COLGALT2: variants seen among roughly 807,000 people sequenced by gnomAD.
The protein encoded by COLGALT2 is procollagen galactosyltransferase 2.
In COLGALT2, 49 loss-of-function variants were observed where a neutral mutation model predicts 73.4. That is an observed-to-expected ratio of 0.67 (90% CI 0.53 to 0.85). The LOEUF (loss-of-function observed/expected upper bound fraction) is 0.85, where lower values mean the gene tolerates loss of function less well. Among genes scored for constraint, COLGALT2 ranks in the 40% least tolerant of loss-of-function variants. The pLI, the probability that COLGALT2 is intolerant of heterozygous loss-of-function variation, is 0.00. For synonymous variants in COLGALT2, 295 were observed against 307.6 expected, an observed-to-expected ratio of 0.96 and a Z score of 0.43; for missense variants, 722 against 790.2, an observed-to-expected ratio of 0.91 and a Z score of 1.03.
intron 1 of COLGALT2, among the ~76,000 whole-genome samples, chr1:184,003,211 T>C (rs1671977129): frequency 1.3e-5 from 2 of 152,202 alleles, no homozygotes; most frequent in Non-Finnish European, 2.9e-5. Context: ...TATCAAAAGA[T>C]AGGGATTAGG....
chr1:184,017,648 T>C (rs911384482), intron 1 of COLGALT2, among the ~76,000 whole-genome samples: 2 of 152,228 alleles, frequency 1.3e-5, no homozygotes, highest in African/African-American at 4.8e-5. Context: ...GTTGGCTAAG[T>C]GGTCTTAGCC....
At chr1:183,976,414 A>G (rs1671191822) in intron 2 of COLGALT2, among the ~76,000 whole-genome samples, 1 of 150,160 alleles carries the variant, frequency 6.7e-6, no homozygotes, top group South Asian at 2.1e-4. Flanking sequence ...TTACATATAG[A>G]AAGACTAGAA....
chr1:183,958,758 CTT>C (rs1184612193), intron 6 of COLGALT2, among the ~76,000 whole-genome samples: 2 of 149,868 alleles, frequency 1.3e-5, no homozygotes, highest in African/African-American at 4.9e-5. Context: ...CAAAAACCCT[CTT>C]GTTTTCACCT....
At chr1:184,030,842 G>GC (rs1282525137) in intron 1 of COLGALT2, among the ~76,000 whole-genome samples, 1 of 152,156 alleles carries the variant, frequency 6.6e-6, no homozygotes, top group Non-Finnish European at 1.5e-5. Context: ...CATTAAAACA[G>GC]CTACACAGGA....
chr1:183,967,863 A>G (rs1670923101), intron 5 of COLGALT2, among the ~76,000 whole-genome samples: 1 of 152,200 alleles, frequency 6.6e-6, no homozygotes, highest in African/African-American at 2.4e-5. Context: ...AAATCTTCCA[A>G]TCATATGAGG....
At chr1:184,017,285 G>C (rs537299694) in intron 1 of COLGALT2, among the ~76,000 whole-genome samples, 2 of 152,262 alleles carry the variant, frequency 1.3e-5, no homozygotes, top group South Asian at 2.1e-4. Flanking sequence ...TCATTATCAA[G>C]TATGTTTCTG....
At position 183,930,018 on chromosome 1, in the gene COLGALT2, TAAAG is replaced by T. The variant is rs138131169; in HGVS notation, c.*207_*210del. ...GTTTCCCTTCCAGTCACAGTGATGA[TAAAG>T]AGAGTAAAGAGAACTCACAAACTGT... is the stretch of plus-strand genomic sequence containing the variant. On this transcript the variant is annotated 3_prime_UTR_variant, in exon 12 of 12. Coordinates refer to the COLGALT2 transcript ENST00000649786. The T allele has an allele frequency of 1.1e-3, 334 of 292,662 alleles. 2 individuals are homozygous for T. In the East Asian group the frequency reaches 0.017, roughly 14 times the overall value. 18.1% of individuals were successfully genotyped at this position (292,662 alleles called of 1,614,324 possible).
chr1:183,988,557 T>C (rs1671547923), intron 1 of COLGALT2, among the ~76,000 whole-genome samples: 1 of 152,216 alleles, frequency 6.6e-6, no homozygotes, highest in Non-Finnish European at 1.5e-5. Context: ...GATTTGCCTA[T>C]TCTCGTCCTT....
intron 6 of COLGALT2, among the ~76,000 whole-genome samples, chr1:183,958,428 G>A (rs1008266796): frequency 1.3e-5 from 2 of 152,100 alleles, no homozygotes; most frequent in Non-Finnish European, 2.9e-5. Context: ...AATCACAGAT[G>A]TCAAATTGGC....
At chr1:184,015,788 C>G (rs1648983274) in intron 1 of COLGALT2, among the ~76,000 whole-genome samples, 1 of 152,132 alleles carries the variant, frequency 6.6e-6, no homozygotes, top group African/African-American at 2.4e-5. Flanking sequence ...TCACAGAACA[C>G]CTTGTGGTGT....
intron 6 of COLGALT2, among the ~76,000 whole-genome samples, chr1:183,957,850 A>C (rs896129571): frequency 1.3e-5 from 2 of 150,732 alleles, no homozygotes; most frequent in Non-Finnish European, 2.9e-5. Flanking sequence ...TCCAAGGTCA[A>C]ATACTGAGTG....
intron 1 of COLGALT2, among the ~76,000 whole-genome samples, chr1:184,016,987 A>C (rs1448665838): frequency 6.6e-6 from 1 of 152,210 alleles, no homozygotes; most frequent in East Asian, 1.9e-4. Context: ...ACAGTTTAGA[A>C]AAGTTTCAAG....
chr1:183,971,760 G>A (rs549509216), intron 4 of COLGALT2, among the ~76,000 whole-genome samples: 48 of 152,322 alleles, frequency 3.2e-4, no homozygotes, highest in Admixed American at 1.4e-3. Context: ...TTGCAAACCA[G>A]TTGACATGTT....
intron 1 of COLGALT2, among the ~76,000 whole-genome samples, chr1:184,005,152 C>A (rs915768818): frequency 3.9e-5 from 6 of 152,152 alleles, no homozygotes; most frequent in Non-Finnish European, 1.5e-5. Context: ...CGCTACTGAG[C>A]CGGGGCTCAG....
At chr1:183,931,066 A>G (rs1241782778), downstream of COLGALT2, among the ~76,000 whole-genome samples, 2 of 152,240 alleles carry the variant, frequency 1.3e-5, no homozygotes, top group African/African-American at 4.8e-5. Context: ...CACCTTACAA[A>G]TCATGTAGTC....
At chr1:183,962,974 A>G (rs1310905684) in intron 6 of COLGALT2, among the ~76,000 whole-genome samples, 1 of 151,992 alleles carries the variant, frequency 6.6e-6, no homozygotes, top group East Asian at 1.9e-4. Flanking sequence ...AACCACCTCC[A>G]CTGCCCACGT....
intron 1 of COLGALT2, among the ~76,000 whole-genome samples, chr1:184,009,738 G>C (rs1293745820): frequency 6.6e-6 from 1 of 152,192 alleles, no homozygotes; most frequent in African/African-American, 2.4e-5. Flanking sequence ...TGGAGACAGA[G>C]AGAGTTAAGA....
rs11347812 is a variant in COLGALT2, at chr1:184,034,278, C to CTT, written c.263+2815_263+2816dup. 5.5e-3 allele frequency among the ~76,000 whole-genome samples: 783 copies of CTT among 143,044 alleles called. 7 individuals carry two copies. Among genetic ancestry groups the CTT allele is most frequent in the African/African-American group, 0.017 (650 of 38,754 alleles). 93.8% of individuals were successfully genotyped at this position (143,044 alleles called of 152,430 possible). ...AAAACTCTGGTTGATGCCCTATTAT[C>CTT]TTTTTTTTTTTTTTTGCTTGTTTTT... On this transcript the variant is annotated intron_variant, in intron 1 of 11. Transcript: ENST00000361927.
At chr1:183,969,534 C>CTAGCAAATGACTGAGA in intron 4 of COLGALT2, 61 bp from the exon 5 acceptor site, 2 of 1,447,140 alleles carry the variant, frequency 1.4e-6, no homozygotes, top group Non-Finnish European at 1.9e-6. Flanking sequence ...CCTTCTCAGT[C>CTAGCAAATGACTGAGA]ATTTGCTAGA....
Sources: allele counts gnomAD v4.1 joint callset (sites outside exome capture counted in the v4.1 genomes callset), GRCh38; gene constraint gnomAD v4.1.1; transcripts MANE v1.5; gene names NCBI Gene and HGNC (gene_info 2026-07-23, HGNC 2026-07-21).